RADIL: variants seen among roughly 807,000 people sequenced by gnomAD.
RADIL encodes ras-associating and dilute domain-containing protein.
A neutral mutation model predicts 97.6 loss-of-function variants in RADIL; 99 were observed. The ratio of observed to expected loss-of-function variants is 1.01; its 90% CI spans 0.86 to 1.20. The LOEUF is 1.20. Ranked by LOEUF, RADIL falls within the 50% of genes most tolerant of loss-of-function variation. The pLI is 0.00. For synonymous variants in RADIL, 803 were observed against 691.8 expected (o/e 1.16, Z -2.52); for missense variants, 1,765 against 1,498.9 (o/e 1.18, Z -2.93).
Position 4,815,759 on chromosome 7 carries a change from C to A in RADIL, c.1967-309G>T, listed in dbSNP as rs937250515. Among the ~76,000 whole-genome samples the A allele has an allele frequency of 6.6e-6, 1 of 152,172 alleles. No individual in the cohort carries two copies. Among genetic ancestry groups the A allele is most frequent in the Admixed American group, 6.5e-5 (1 of 15,294 alleles). ...GACACATGTGCCGGGGGCCTGCCCC[C>A]ACCTGGGTCTCCCCACGCCCCACAG... On this transcript the variant is annotated intron_variant, in intron 8 of 14. Transcript: ENST00000399583. The surrounding 1 kb of genome is among the most constrained non-coding windows in gnomAD (Gnocchi z 8.0).
intron 13 of RADIL, 46 bp downstream of exon 13, chr7:4,800,125 C>T: frequency 1.9e-6 from 3 of 1,572,712 alleles, no homozygotes; most frequent in Middle Eastern, 1.8e-4. Flanking sequence ...ACAGGCGGGG[C>T]CAGGCAGCCA....
chr7:4,841,937 T>C (rs971801794), intron 2 of RADIL, among the ~76,000 whole-genome samples: 7 of 151,846 alleles, frequency 4.6e-5, no homozygotes, highest in African/African-American at 1.7e-4. Flanking sequence ...GTGCCTGCAG[T>C]CCCAGCTACT....
intron 1 of RADIL, among the ~76,000 whole-genome samples, chr7:4,881,435 G>GAAATACAAGGCCAC (rs1784484621): frequency 1.4e-5 from 1 of 69,986 alleles, no homozygotes; most frequent in Non-Finnish European, 2.9e-5. Context: ...AAAAAAAAAA[G>GAAATACAAGGCCAC]ACAAAAATTG....
At position 4,801,964 on chromosome 7, in the gene RADIL, A is replaced by G. The variant is rs1212848220; in HGVS notation, c.2531T>C (p.Leu844Pro). The G allele has an allele frequency of 1.9e-6, 3 of 1,551,406 alleles. No individual in the cohort carries two copies. Among genetic ancestry groups the G allele is most frequent in the South Asian group, 2.4e-5 (2 of 82,646 alleles). Residue 844 changes from leucine to proline, a missense_variant, in exon 12 of 15, where the codon CTG becomes CCG. Coordinates refer to ENST00000399583, the MANE Select transcript of RADIL (RefSeq NM_018059.5). ...AGCCAGGGGGCAGCTCGGGGCCTCC[A>G]GGTGCCCGTCAAGGACCACGTGGTG... ...GMHHVVLDGH[L>P]EAPSCPLAPR...
chr7:4,834,780 CCTCCAGGTGGGGCTCAAA>C lies in RADIL; in HGVS notation c.1225_1242del (p.Phe409_Glu414del). ...GTCATGATCCTCTGCAGCAGCGTGTCCTCCAGGTGGGGCTCAAACTCCAGGAGCAGCTGCTGGCGCCGG... is the reference window on the plus strand; with the variant it reads ...GTCATGATCCTCTGCAGCAGCGTGTCCTCCAGGAGCAGCTGCTGGCGCCGG... On this transcript the variant is annotated inframe_deletion, in exon 4 of 15. Coordinates refer to ENST00000399583, the MANE Select transcript of RADIL (RefSeq NM_018059.5). The surrounding 1 kb of genome is among the most constrained non-coding windows in gnomAD (Gnocchi z 6.0). 7.3e-7 allele frequency: 1 copy of C among 1,373,286 alleles called. No homozygotes were observed. Among genetic ancestry groups the C allele is most frequent in the Non-Finnish European group, 9.5e-7 (1 of 1,057,160 alleles). 85.1% of individuals were successfully genotyped at this position (1,373,286 alleles called of 1,614,324 possible).
rs984961772 is a variant in RADIL at position 4,815,657 on chromosome 7, C to T, written c.1967-207G>A. Among the ~76,000 whole-genome samples, 3 of 152,124 alleles carry T rather than the reference C, an allele frequency of 2.0e-5. No homozygotes were observed. The highest frequency in any genetic ancestry group is 7.2e-5 in the African/African-American group (3 of 41,430). ...GAGCGGGGGTACGGTGGGAGGTGAA[C>T]GTAGCAGGGCAGGGTGGGCTGTGAC... On this transcript the variant is annotated intron_variant, in intron 8 of 14. Coordinates refer to ENST00000399583, the MANE Select transcript of RADIL (RefSeq NM_018059.5). This position sits in a 1 kb window ranked among gnomAD's most constrained non-coding sequence, Gnocchi z 8.0.
rs190564614 is a variant in RADIL at position 4,872,848 on chromosome 7, G to A, written c.535+4757C>T. Among the ~76,000 whole-genome samples, 7 of 152,318 alleles carry A rather than the reference G, an allele frequency of 4.6e-5. No individual in the cohort carries two copies. The highest frequency in any genetic ancestry group is 3.9e-4 in the East Asian group (2 of 5,184). On this transcript the variant is annotated intron_variant, in intron 2 of 14. Coordinates refer to ENST00000399583, the MANE Select transcript of RADIL (RefSeq NM_018059.5). This position sits in a 1 kb window ranked among gnomAD's most constrained non-coding sequence, Gnocchi z 5.8. ...CCCACCAGACTCTGTAGGGGAGTCCGAGGTGAGGGGCAGGGGAGAGGCCTG... is the reference window on the plus strand; with the variant it reads ...CCCACCAGACTCTGTAGGGGAGTCCAAGGTGAGGGGCAGGGGAGAGGCCTG...
In RADIL at chr7:4,836,405, A is replaced by C; in HGVS notation, c.736T>G (p.Tyr246Asp). 1 of 1,579,476 alleles carries C rather than the reference A, an allele frequency of 6.3e-7. No individual in the cohort carries two copies. The highest frequency in any genetic ancestry group is 8.6e-7 in the Non-Finnish European group (1 of 1,162,822). ...PGPDAMRYSL[Y>D]QSPHLLLLQG... Reference sequence around the variant, plus strand: ...AGAAGGAGCAGATGCGGGGACTGGTACAGCGAGTACCGCATGGCGTCGGGG... The same window carrying C: ...AGAAGGAGCAGATGCGGGGACTGGTCCAGCGAGTACCGCATGGCGTCGGGG... The change falls in exon 3 of 15, where the codon TAC (tyrosine) becomes GAC (aspartate). Residue 246 changes from tyrosine (Y) to aspartate (D), a missense_variant. By Grantham distance (160) the Tyr-to-Asp change is radical. Coordinates refer to ENST00000399583, the MANE Select transcript of RADIL (RefSeq NM_018059.5).
chr7:4,810,254 G>A (rs917258651), intron 9 of RADIL, among the ~76,000 whole-genome samples: 1 of 152,100 alleles, frequency 6.6e-6, no homozygotes, highest in Non-Finnish European at 1.5e-5. Context: ...AACCCCCTGT[G>A]CTTAAGCAAT....
intron 5 of RADIL, among the ~76,000 whole-genome samples, chr7:4,823,331 CTTTTTTTTTTT>C (rs60439750): frequency 0.037 from 4,733 of 129,590 alleles, 127 homozygotes; most frequent in Non-Finnish European, 0.055. Flanking sequence ...TATTAAAAAC[CTTTTTTTTTTT>C]TTTTTTTTTT....
chr7:4,828,673 G>A (rs1323802982), intron 5 of RADIL, among the ~76,000 whole-genome samples: 1 of 152,210 alleles, frequency 6.6e-6, no homozygotes, highest in Non-Finnish European at 1.5e-5. Flanking sequence ...TCAGGTGTGG[G>A]ATCACGGGGG....
chr7:4,820,956 C>T (rs1782815731), intron 6 of RADIL, among the ~76,000 whole-genome samples: 1 of 152,206 alleles, frequency 6.6e-6, no homozygotes, highest in South Asian at 2.1e-4. Context: ...CCAGCGCCCC[C>T]AACACAGCCT....
rs967059348 is a variant in RADIL, at chr7:4,803,671, G to A, written c.2374C>T (p.Leu792=). 3.9e-6 allele frequency: 6 copies of A among 1,554,926 alleles called. No homozygotes were observed. In the African/African-American group the frequency reaches 5.5e-5, roughly 14 times the overall value. ...GFQVDLEANC[L]DDSIYQHLLY... is the part of the protein sequence containing the mutation. The stretch of plus-strand genomic sequence containing the variant: ...AGGTGCTGGTAGATGCTGTCGTCCA[G>A]GCAGTTGGCTTCCAAGTCCACCTGG... The change falls in exon 11 of 15, where the codon CTG becomes TTG. Residue 792 remains leucine, a synonymous_variant. Transcript: ENST00000399583.
At chr7:4,843,276 G>A (rs1583300859) in intron 2 of RADIL, among the ~76,000 whole-genome samples, 1 of 151,792 alleles carries the variant, frequency 6.6e-6, no homozygotes, top group Non-Finnish European at 1.5e-5. Flanking sequence ...GCCTGCCAAA[G>A]TGCTGGGATT....
intron 9 of RADIL, among the ~76,000 whole-genome samples, chr7:4,810,966 A>G (rs114832884): frequency 0.03 from 4,538 of 152,236 alleles, 94 homozygotes; most frequent in African/African-American, 0.052. Flanking sequence ...GTGAGACTCC[A>G]TTTCTACTAA....
chr7:4,836,547 C>T lies in RADIL; in HGVS notation c.594G>A (p.Pro198=), dbSNP rs774545830. The T allele has an allele frequency of 8.7e-6, 14 of 1,607,538 alleles. No individual in the cohort carries two copies. Among genetic ancestry groups the T allele is most frequent in the Non-Finnish European group, 1.1e-5 (13 of 1,179,420 alleles). ...GAGAGCTCCGGGCATCCCCCAGGGCCGGGGTCGGGGTTCCCTTCGCGCGAC... is the reference window on the plus strand; with the variant it reads ...GAGAGCTCCGGGCATCCCCCAGGGCTGGGGTCGGGGTTCCCTTCGCGCGAC... ...QRSRAKGTPT[P]ALGDARSSPP... is the part of the protein sequence containing the mutation. Residue 198 remains proline, a synonymous_variant, in exon 3 of 15, where the codon CCG becomes CCA. Transcript: ENST00000399583.
At chr7:4,877,012 A>G (rs145585521) in intron 2 of RADIL, among the ~76,000 whole-genome samples, 233 of 152,348 alleles carry the variant, frequency 1.5e-3, no homozygotes, top group African/African-American at 5.5e-3. Context: ...CGTGGTTGCT[A>G]TGGTCAATGA....
At chr7:4,876,898 G>C (rs1784389110) in intron 2 of RADIL, among the ~76,000 whole-genome samples, 1 of 152,204 alleles carries the variant, frequency 6.6e-6, no homozygotes, top group Admixed American at 6.5e-5. Context: ...TTTTGGCCTG[G>C]GACAGATTCC....
At chr7:4,871,776 C>T (rs1303224678) in intron 2 of RADIL, among the ~76,000 whole-genome samples, 1 of 152,200 alleles carries the variant, frequency 6.6e-6, no homozygotes, top group Non-Finnish European at 1.5e-5. Flanking sequence ...GGGCACCAAC[C>T]CTTCCACAGG....
Sources: allele counts gnomAD v4.1 joint callset (sites outside exome capture counted in the v4.1 genomes callset), GRCh38; gene constraint gnomAD v4.1.1; non-coding constraint Gnocchi (gnomAD v3.1); transcripts MANE v1.5; gene names NCBI Gene and HGNC (gene_info 2026-07-23, HGNC 2026-07-21).